The following PDE4A variants were observed in gnomAD, a reference collection of about 807,000 sequenced individuals.
PDE4A encodes the protein phosphodiesterase 4A.
A neutral mutation model predicts 73.9 loss-of-function variants in PDE4A; 21 were observed. The observed-to-expected ratio is 0.28, with a 90% CI of 0.20 to 0.41. The LOEUF (loss-of-function observed/expected upper bound fraction) is 0.41. PDE4A is among the 10% of genes least tolerant of loss of function. The pLI is 1.00. For synonymous variants in PDE4A, 463 were observed against 505.4 expected, an observed-to-expected ratio of 0.92 and a Z score of 1.13; for missense variants, 958 against 1,211.4, an observed-to-expected ratio of 0.79 and a Z score of 3.10.
In PDE4A at chr19:10,465,222, CA is replaced by C. The variant is rs1204916544; in HGVS notation, c.1926+1248del. On this transcript the variant is annotated intron_variant, in intron 14 of 14. Transcript: ENST00000380702. ...TAGATGCCAGAAGTATCCCCCTCCTCATTTTTTTTTTTTTTGAGACAGAGTT... is the reference window on the plus strand; with the variant it reads ...TAGATGCCAGAAGTATCCCCCTCCTCTTTTTTTTTTTTTTGAGACAGAGTT... Among the ~76,000 whole-genome samples the C allele has an allele frequency of 6.0e-5, 9 of 150,172 alleles. No individual in the cohort carries two copies. The South Asian group carries it at 1.9e-3, about 32-fold the overall frequency.
intron 1 of PDE4A, among the ~76,000 whole-genome samples, chr19:10,437,007 C>T (rs1435428261): frequency 6.6e-6 from 1 of 152,114 alleles, no homozygotes; most frequent in Non-Finnish European, 1.5e-5. Context: ...CACTACACTC[C>T]AGCCTGGGTG....
rs928459272 is a variant in PDE4A, at chr19:10,468,791, C to G, written c.*1170C>G. 6.5e-6 allele frequency: 1 copy of G among 153,282 alleles called. No homozygotes were observed. The highest frequency in any genetic ancestry group is 1.5e-5 in the Non-Finnish European group (1 of 68,558). 9.5% of individuals were successfully genotyped at this position (153,282 alleles called of 1,614,324 possible). A position where few individuals can be genotyped will look rare whatever the true frequency, so the allele number is the denominator to read the frequency against. On this transcript the variant is annotated 3_prime_UTR_variant, in exon 15 of 15. Coordinates refer to ENST00000380702, the MANE Select transcript of PDE4A (RefSeq NM_001111307.2). The stretch of plus-strand genomic sequence containing the variant: ...CAAAATAATTTCTCCTCCATCCGTA[C>G]CTTGCCTAGCCTCTCCCTCTCCCCC...
chr19:10,428,500 T>C (rs1299887268), intron 1 of PDE4A, among the ~76,000 whole-genome samples: 3 of 152,124 alleles, frequency 2.0e-5, no homozygotes, highest in African/African-American at 7.2e-5. Flanking sequence ...ATTATCATCA[T>C]CATCTATACC....
At chr19:10,421,265 G>A (rs2042648165) in intron 1 of PDE4A, 181 bp downstream of exon 1, 1 of 985,272 alleles carries the variant, frequency 1.0e-6, no homozygotes, top group African/African-American at 1.7e-5. Flanking sequence ...TCTACGGGAG[G>A]CTTCCTGCTG....
chr19:10,452,858 C>CG, intron 6 of PDE4A: 1 of 598,582 alleles, frequency 1.7e-6, no homozygotes, highest in Non-Finnish European at 2.1e-6. Flanking sequence ...TCTGATGCCC[C>CG]TTTAATACCC....
chr19:10,437,344 G>A (rs1348175845), intron 1 of PDE4A, among the ~76,000 whole-genome samples: 3 of 151,812 alleles, frequency 2.0e-5, no homozygotes, highest in Admixed American at 6.6e-5. Context: ...GGCTGGTCTC[G>A]AACTCCTGAT....
intron 1 of PDE4A, among the ~76,000 whole-genome samples, chr19:10,425,373 G>A (rs2042704834): frequency 6.6e-6 from 1 of 152,208 alleles, no homozygotes; most frequent in South Asian, 2.1e-4. Flanking sequence ...AGTCAAACGG[G>A]GCTGAAAAAT....
chr19:10,445,924 G>A (rs1487623528), intron 1 of PDE4A, among the ~76,000 whole-genome samples: 1 of 134,246 alleles, frequency 7.4e-6, no homozygotes, highest in Non-Finnish European at 1.6e-5. Context: ...TGCAACCTCC[G>A]CTTCCTGGGT....
intron 11 of PDE4A, 186 bp from the exon 12 acceptor site, chr19:10,461,340 G>A: frequency 1.1e-6 from 1 of 912,592 alleles, no homozygotes; most frequent in Non-Finnish European, 1.3e-6. Context: ...GAACGGGCAG[G>A]AGGCGGGGCT....
chr19:10,418,139 T>G (rs995536493), upstream of PDE4A, among the ~76,000 whole-genome samples: 1 of 152,170 alleles, frequency 6.6e-6, no homozygotes, highest in African/African-American at 2.4e-5. Context: ...TGCTCCCATA[T>G]TCACAGAGCT....
At chr19:10,461,824 G>T (rs2043278063) in intron 12 of PDE4A, 53 bp from the exon 13 acceptor site, 1 of 1,594,762 alleles carries the variant, frequency 6.3e-7, no homozygotes, top group Non-Finnish European at 8.5e-7. Context: ...AGAGGCCCGG[G>T]TCAGTCTGGG....
intron 11 of PDE4A, 89 bp from the exon 12 acceptor site, chr19:10,461,437 A>AC: frequency 1.3e-6 from 2 of 1,536,612 alleles, no homozygotes; most frequent in South Asian, 2.4e-5. Context: ...CGGGCTGGGG[A>AC]GGGGTTAGCT....
upstream of PDE4A, chr19:10,420,507 G>A (rs113632821): frequency 2.9e-6 from 3 of 1,039,228 alleles, no homozygotes; most frequent in Non-Finnish European, 2.4e-6. This position sits in a 1 kb window ranked among gnomAD's most constrained non-coding sequence, Gnocchi z 6.0. Context: ...GGCGCCGAGC[G>A]GGCCGCGGAA....
rs1322706265 is a variant in PDE4A, at chr19:10,453,165, C to T, written c.784-1664C>T. On this transcript the variant is annotated intron_variant, in intron 6 of 14. Coordinates refer to ENST00000380702, the MANE Select transcript of PDE4A (RefSeq NM_001111307.2). The surrounding 1 kb of genome is among the most constrained non-coding windows in gnomAD (Gnocchi z 4.6). ...CCCTCCGCGGCTCCCCCTTCCACTA[C>T]CCACCTGCCCGGCACCCCCTCCCCA... 1.4e-6 allele frequency: 2 copies of T among 1,460,638 alleles called. No individual in the cohort carries two copies. The highest frequency in any genetic ancestry group is 1.8e-6 in the Non-Finnish European group (2 of 1,103,494). 90.5% of individuals were successfully genotyped at this position (1,460,638 alleles called of 1,614,324 possible). A position where few individuals can be genotyped will look rare whatever the true frequency, so the allele number is the denominator to read the frequency against.
chr19:10,425,122 G>T (rs950306751), intron 1 of PDE4A, among the ~76,000 whole-genome samples: 1 of 152,026 alleles, frequency 6.6e-6, no homozygotes, highest in African/African-American at 2.4e-5. Context: ...TACTCGGGAG[G>T]CTGAGGCAGG....
At chr19:10,417,949 G>A (rs947094998), upstream of PDE4A, 6 of 1,426,922 alleles carry the variant, frequency 4.2e-6, no homozygotes, top group Non-Finnish European at 5.7e-6. Context: ...AGCCCTTCCC[G>A]ATCTCCATGC....
At chr19:10,465,079 C>T (rs1020476616) in intron 14 of PDE4A, among the ~76,000 whole-genome samples, 7 of 152,070 alleles carry the variant, frequency 4.6e-5, no homozygotes, top group African/African-American at 1.7e-4. Flanking sequence ...CTCTACCCGT[C>T]CAGACCTGAG....
upstream of PDE4A, chr19:10,419,142 C>G (rs1284083801): frequency 2.8e-4 from 268 of 942,268 alleles, no homozygotes; most frequent in Non-Finnish European, 3.2e-4. Flanking sequence ...CCCTGGGGAG[C>G]CCGTGACAGG....
chr19:10,420,321 A>T (rs1373174677), upstream of PDE4A: 2 of 943,846 alleles, frequency 2.1e-6, no homozygotes, highest in African/African-American at 3.5e-5. The surrounding 1 kb of genome is among the most constrained non-coding windows in gnomAD (Gnocchi z 6.0). Context: ...CTTTGAAGAC[A>T]GACGAGTTCC....
Sources: allele counts gnomAD v4.1 joint callset (sites outside exome capture counted in the v4.1 genomes callset), GRCh38; gene constraint gnomAD v4.1.1; non-coding constraint Gnocchi (gnomAD v3.1); transcripts MANE v1.5; gene names NCBI Gene and HGNC (gene_info 2026-07-23, HGNC 2026-07-21).